RSAD2: variants seen among roughly 807,000 people sequenced by gnomAD.
The protein encoded by RSAD2 is S-adenosylmethionine-dependent nucleotide dehydratase RSAD2.
A neutral mutation model predicts 37.7 loss-of-function variants in RSAD2; 38 were observed. The ratio of observed to expected loss-of-function variants is 1.01; its 90% CI spans 0.78 to 1.32. The LOEUF is 1.32. RSAD2 is among the 40% of genes most tolerant of loss of function. The pLI is 0.00. For missense variants in RSAD2, 428 were observed against 437.5 expected, an observed-to-expected ratio of 0.98 and a Z score of 0.19; for synonymous variants, 163 against 157.4, an observed-to-expected ratio of 1.04 and a Z score of -0.27.
chr2:6,893,477 C>T (rs1364492404), intron 4 of RSAD2, among the ~76,000 whole-genome samples, 194 bp from the exon 5 acceptor site: 1 of 152,184 alleles, frequency 6.6e-6, no homozygotes, highest in Non-Finnish European at 1.5e-5. Context: ...GAATCCAGGC[C>T]TGCTGTGATC....
At chr2:6,889,003 C>T (rs1307524670) in intron 3 of RSAD2, among the ~76,000 whole-genome samples, 2 of 152,194 alleles carry the variant, frequency 1.3e-5, no homozygotes, top group Non-Finnish European at 2.9e-5. Context: ...GGAGAGGGCT[C>T]CTTCTACTCC....
intron 4 of RSAD2, among the ~76,000 whole-genome samples, chr2:6,890,896 A>G (rs902199661): frequency 6.6e-6 from 1 of 152,176 alleles, no homozygotes; most frequent in African/African-American, 2.4e-5. Flanking sequence ...AGCTTCAGGT[A>G]TAACTAGAAG....
At chr2:6,893,607 C>A (rs1663674496) in intron 4 of RSAD2, 64 bp from the exon 5 acceptor site, 1 of 1,255,716 alleles carries the variant, frequency 8.0e-7, no homozygotes, top group Non-Finnish European at 1.2e-6. Flanking sequence ...TACAGGTGGA[C>A]AATTGAGCTC....
At chr2:6,870,601 G>C (rs576782782) in intron 1 of RSAD2, among the ~76,000 whole-genome samples, 9 of 152,264 alleles carry the variant, frequency 5.9e-5, no homozygotes, top group Admixed American at 1.3e-4. Context: ...TTGGGTAAGG[G>C]AGCATTCTCA....
intron 1 of RSAD2, among the ~76,000 whole-genome samples, chr2:6,871,265 C>G (rs1296103517): frequency 6.6e-6 from 1 of 152,220 alleles, no homozygotes; most frequent in Non-Finnish European, 1.5e-5. Context: ...TTGCCTGTTG[C>G]TCTACCTGTC....
intron 1 of RSAD2, 42 bp from the exon 2 acceptor site, chr2:6,883,329 T>C (rs1663451152): frequency 6.3e-7 from 1 of 1,576,102 alleles, no homozygotes; most frequent in Non-Finnish European, 8.7e-7. Context: ...AATAATAATG[T>C]ATATTTGTGA....
rs536312782 is a variant in RSAD2, at chr2:6,882,283, A to G, written c.347-1088A>G. Reference sequence around the variant, plus strand: ...TAGGAAGAAGAAAACGTCCAAAAAAATCTATAACTAGTAATTGCAGAGAGA... The same window carrying G: ...TAGGAAGAAGAAAACGTCCAAAAAAGTCTATAACTAGTAATTGCAGAGAGA... On this transcript the variant is annotated intron_variant, in intron 1 of 5. Coordinates refer to ENST00000382040, the MANE Select transcript of RSAD2 (RefSeq NM_080657.5). 8.8e-3 allele frequency among the ~76,000 whole-genome samples: 1,348 copies of G among 152,336 alleles called. 7 individuals carry two copies. The highest frequency in any genetic ancestry group is 0.031 in the African/African-American group (1,294 of 41,570).
At chr2:6,882,217 A>G (rs910298237) in intron 1 of RSAD2, among the ~76,000 whole-genome samples, 4 of 152,192 alleles carry the variant, frequency 2.6e-5, no homozygotes, top group Admixed American at 2.6e-4. Context: ...AAAAACATCA[A>G]AAGAAGAGGC....
upstream of RSAD2, chr2:6,877,595 C>T (rs1663307126): frequency 3.5e-6 from 2 of 570,400 alleles, no homozygotes; most frequent in South Asian, 2.2e-5. Context: ...GAATGCTCGC[C>T]CCGATCTCTA....
At position 6,883,193 on chromosome 2, in the gene RSAD2, G is replaced by T. The variant is rs560908287; in HGVS notation, c.347-178G>T. ...TTCCCTGCATCCCTGTTTAGATCCC[G>T]AATTAAACATATGCTATTCCCATTG... On this transcript the variant is annotated intron_variant, in intron 1 of 5. Coordinates refer to ENST00000382040, the MANE Select transcript of RSAD2 (RefSeq NM_080657.5). Among the ~76,000 whole-genome samples the T allele has an allele frequency of 4.6e-5, 7 of 152,318 alleles. No homozygotes were observed. In the East Asian group the frequency reaches 1.2e-3, roughly 25 times the overall value.
intron 1 of RSAD2, among the ~76,000 whole-genome samples, chr2:6,880,607 A>G (rs556529582): frequency 6.6e-6 from 1 of 151,778 alleles, no homozygotes; most frequent in South Asian, 2.1e-4. Flanking sequence ...CTTCCCCTCA[A>G]CCTCCCTCTG....
At chr2:6,892,052 G>GT (rs1013350796) in intron 4 of RSAD2, among the ~76,000 whole-genome samples, 2 of 152,126 alleles carry the variant, frequency 1.3e-5, no homozygotes, top group African/African-American at 4.8e-5. Flanking sequence ...ATTATAAGTA[G>GT]TTTTATTCAC....
At chr2:6,893,780 G>A in intron 5 of RSAD2, 77 bp downstream of exon 5, 1 of 997,950 alleles carries the variant, frequency 1.0e-6, no homozygotes, top group South Asian at 1.3e-5. Context: ...AGTTCCATGA[G>A]CATAACTATC....
Position 6,895,774 on chromosome 2 carries a change from C to T in RSAD2, c.922-4C>T. On this transcript the variant is annotated splice_region_variant and splice_polypyrimidine_tract_variant and intron_variant, in intron 5 of 5. Transcript: ENST00000382040. Reference sequence around the variant, plus strand: ...TATACCAGTTTCTGTTATGAATTTTCTAGATGCGCTTTCTGAACTGTAGAA... The same window carrying T: ...TATACCAGTTTCTGTTATGAATTTTTTAGATGCGCTTTCTGAACTGTAGAA... 1.9e-6 allele frequency: 3 copies of T among 1,610,680 alleles called. No homozygotes were observed.
At chr2:6,885,047 G>A (rs1045094780) in intron 2 of RSAD2, among the ~76,000 whole-genome samples, 3 of 152,122 alleles carry the variant, frequency 2.0e-5, no homozygotes, top group African/African-American at 4.8e-5. Flanking sequence ...ACCTCTCCAA[G>A]TTTGGTAATT....
At chr2:6,872,912 G>T (rs984031422), upstream of RSAD2, among the ~76,000 whole-genome samples, 3 of 152,220 alleles carry the variant, frequency 2.0e-5, no homozygotes, top group Middle Eastern at 3.4e-3. Flanking sequence ...TTTTTAATTT[G>T]CAAATCTGTT....
At chr2:6,875,331 G>A (rs1663263980), upstream of RSAD2, among the ~76,000 whole-genome samples, 1 of 152,096 alleles carries the variant, frequency 6.6e-6, no homozygotes, top group African/African-American at 2.4e-5. Context: ...AGCCTCTTGG[G>A]ACATTTCCCC....
chr2:6,874,266 A>G (rs1663246317), upstream of RSAD2, among the ~76,000 whole-genome samples: 1 of 152,126 alleles, frequency 6.6e-6, no homozygotes, highest in Non-Finnish European at 1.5e-5. Flanking sequence ...CTTCCTGTAC[A>G]GCCTGCATAA....
At chr2:6,891,522 C>G (rs1663627733) in intron 4 of RSAD2, among the ~76,000 whole-genome samples, 1 of 152,168 alleles carries the variant, frequency 6.6e-6, no homozygotes, top group Non-Finnish European at 1.5e-5. Context: ...AATCCCAGCA[C>G]TTTGGGGGGC....
Sources: gnomAD v4.1 joint callset for allele counts (sites outside exome capture counted in the v4.1 genomes callset) on GRCh38, gnomAD v4.1.1 for gene constraint, MANE v1.5 for transcripts, NCBI Gene and HGNC (gene_info 2026-07-23, HGNC 2026-07-21) for gene names.